Variants in SLC2A7 observed in about 807,000 individuals in gnomAD.
SLC2A7 encodes solute carrier family 2 member 7.
SLC2A7 carries 50 observed loss-of-function variants against 50.5 expected under a neutral mutation model. The observed-to-expected ratio is 0.99, with a 90% CI of 0.79 to 1.25. The LOEUF (loss-of-function observed/expected upper bound fraction) is 1.25. SLC2A7 is among the 50% of genes most tolerant of loss of function. SLC2A7 has a pLI of 0.00. For missense variants in SLC2A7, 683 were observed against 679.1 expected (o/e 1.01, Z -0.06); for synonymous variants, 308 against 300.4 (o/e 1.03, Z -0.26).
chr1:9,000,927 C>T (rs772685175), downstream of SLC2A7, among the ~76,000 whole-genome samples: 1 of 152,034 alleles, frequency 6.6e-6, no homozygotes, highest in African/African-American at 2.4e-5. Flanking sequence ...TCCTGGGCCT[C>T]CGAGTCTTCC....
chr1:9,003,749 T>C (rs998933021), intron 11 of SLC2A7, among the ~76,000 whole-genome samples: 2 of 152,096 alleles, frequency 1.3e-5, no homozygotes, highest in Non-Finnish European at 2.9e-5. Flanking sequence ...TCCCAGCTAC[T>C]TGGGAGTCTG....
chr1:9,007,383 G>C lies in SLC2A7; in HGVS notation c.1119C>G (p.Asn373Lys). The change falls in exon 10 of 12, where the codon AAC becomes AAG. Residue 373 changes from asparagine to lysine, a missense_variant and splice_region_variant. Physicochemically the swap from Asn to Lys is moderately conservative, Grantham distance 94. Coordinates refer to ENST00000400906, the MANE Select transcript of SLC2A7 (RefSeq NM_207420.3). The part of the protein sequence containing the change: ...LVLTVVLLFQ[N>K]RVPELSYLGI... ...CGAGGTAGGACAGCTCGGGGACCCTGTTCTGTGGGGAGAGGCAGGGCTGTC... is the reference window on the plus strand; with the variant it reads ...CGAGGTAGGACAGCTCGGGGACCCTCTTCTGTGGGGAGAGGCAGGGCTGTC... 6.2e-7 allele frequency: 1 copy of C among 1,614,162 alleles called. No homozygotes were observed. The highest frequency in any genetic ancestry group is 1.1e-5 in the South Asian group (1 of 91,082).
At chr1:9,013,330 G>A (rs1640777907) in intron 8 of SLC2A7, among the ~76,000 whole-genome samples, 195 bp downstream of exon 8, 1 of 152,142 alleles carries the variant, frequency 6.6e-6, no homozygotes, top group South Asian at 2.1e-4. Flanking sequence ...GCGCCCGGCC[G>A]GCTCTGAAGG....
intron 8 of SLC2A7, among the ~76,000 whole-genome samples, chr1:9,010,630 T>C (rs1295186176): frequency 6.6e-6 from 1 of 152,108 alleles, no homozygotes; most frequent in Non-Finnish European, 1.5e-5. Context: ...AGTGCTGGGA[T>C]TACAGGCGTG....
At chr1:9,009,622 A>G (rs1370681208) in intron 9 of SLC2A7, among the ~76,000 whole-genome samples, 1 of 152,098 alleles carries the variant, frequency 6.6e-6, no homozygotes, top group Non-Finnish European at 1.5e-5. Flanking sequence ...ACACCCAGAA[A>G]ACGTTTTGTA....
intron 10 of SLC2A7, among the ~76,000 whole-genome samples, chr1:9,006,089 C>T (rs967607629): frequency 1.3e-5 from 2 of 152,196 alleles, no homozygotes; most frequent in Non-Finnish European, 2.9e-5. Flanking sequence ...ACCTGATCAC[C>T]CCGTTCTTGG....
chr1:9,026,341 T>A lies in SLC2A7; in HGVS notation c.5A>T (p.Glu2Val). The A allele has an allele frequency of 6.2e-7, 1 of 1,606,968 alleles. No individual in the cohort carries two copies. Among genetic ancestry groups the A allele is most frequent in the African/African-American group, 1.3e-5 (1 of 74,942 alleles). The change falls in exon 1 of 12, where the codon GAG becomes GTG. Residue 2 changes from glutamate (E) to valine (V), a missense_variant. Transcript: ENST00000400906. ...TGGAGGGGTTCCCGCCTCTTTGTTCTCCATCCTTGTTCAGGTGGGAGAACA... is the reference window on the plus strand; with the variant it reads ...TGGAGGGGTTCCCGCCTCTTTGTTCACCATCCTTGTTCAGGTGGGAGAACA... M[E>V]NKEAGTPPPI... is the part of the protein sequence containing the mutation.
intron 2 of SLC2A7, among the ~76,000 whole-genome samples, chr1:9,024,093 T>G (rs1372979249): frequency 1.3e-5 from 2 of 152,126 alleles, no homozygotes; most frequent in Non-Finnish European, 2.9e-5. Flanking sequence ...TGATTTCAGG[T>G]GATCAGGTGA....
At position 9,014,861 on chromosome 1, in the gene SLC2A7, C is replaced by T. The variant is rs780876954; in HGVS notation, c.723G>A (p.Arg241=). The change falls in exon 7 of 12, where the codon AGG becomes AGA. Residue 241 remains arginine, a synonymous_variant. Coordinates refer to ENST00000400906, the MANE Select transcript of SLC2A7 (RefSeq NM_207420.3). The stretch of plus-strand genomic sequence containing the variant: ...CCATGTCCGTGTGGCCTCTCAGCCT[C>T]CTCAGAGCTGCGGAAAGCAGAACCA... ...GDEATARQAL[R]RLRGHTDMEA... 6.3e-7 allele frequency: 1 copy of T among 1,598,408 alleles called. No individual in the cohort carries two copies. Among genetic ancestry groups the T allele is most frequent in the Non-Finnish European group, 8.5e-7 (1 of 1,172,896 alleles).
At chr1:9,026,039 G>A (rs1640995004) in intron 1 of SLC2A7, among the ~76,000 whole-genome samples, 1 of 152,310 alleles carries the variant, frequency 6.6e-6, no homozygotes, top group South Asian at 2.1e-4. Flanking sequence ...GGGGAGCAGG[G>A]GTGGAAGGGA....
At chr1:9,011,134 G>GC (rs1286975817) in intron 8 of SLC2A7, among the ~76,000 whole-genome samples, 3 of 152,218 alleles carry the variant, frequency 2.0e-5, no homozygotes, top group Non-Finnish European at 1.5e-5. Flanking sequence ...TGCTCGCTCT[G>GC]CCTCACCCAT....
intron 10 of SLC2A7, among the ~76,000 whole-genome samples, chr1:9,006,035 G>C (rs1317026840): frequency 6.6e-6 from 1 of 152,132 alleles, no homozygotes; most frequent in African/African-American, 2.4e-5. Context: ...GGTCTAAGTT[G>C]AATGTCAGAT....
At chr1:8,994,928 G>A in the SLC2A7 span, among the ~76,000 whole-genome samples, 13 of 151,468 alleles carry the variant, frequency 8.6e-5, no homozygotes, top group Non-Finnish European at 1.3e-4. Flanking sequence ...TCAACACCAC[G>A]CCCAGCTATT....
rs770148215 is a variant in SLC2A7, at chr1:9,026,296, C to G, written c.50G>C (p.Gly17Ala). The change falls in exon 1 of 12, where the codon GGG (glycine) becomes GCG (alanine). Residue 17 changes from glycine (G) to alanine (A), a missense_variant and splice_region_variant. By Grantham distance (60) the Gly-to-Ala change is moderately conservative. Transcript: ENST00000400906. ...CAGGTTCCTAGTCTTGGCACTTACC[C>G]CCTCCCTGGATGGAATGGGTGGAGG... ...GTPPPIPSRE[G>A]RLQPTLLLAT... 6.2e-7 allele frequency: 1 copy of G among 1,609,192 alleles called. No homozygotes were observed. Among genetic ancestry groups the G allele is most frequent in the Admixed American group, 1.7e-5 (1 of 59,472 alleles).
In SLC2A7 at chr1:9,024,965, C is replaced by T. The variant is rs1403687601; in HGVS notation, c.150+11G>A. 6.2e-7 allele frequency: 1 copy of T among 1,613,652 alleles called. No individual in the cohort carries two copies. The highest frequency in any genetic ancestry group is 1.1e-5 in the South Asian group (1 of 91,080). On this transcript the variant is annotated intron_variant, in intron 2 of 11. Transcript: ENST00000400906. ...GCTGCCCGGCCCACCTTGTGCCCACCTTGTGCCCACCTTGTGCGGCGTGTT... is the reference window on the plus strand; with the variant it reads ...GCTGCCCGGCCCACCTTGTGCCCACTTTGTGCCCACCTTGTGCGGCGTGTT...
chr1:9,004,697 C>T, intron 11 of SLC2A7, 55 bp downstream of exon 11: 32 of 1,599,932 alleles, frequency 2.0e-5, no homozygotes, highest in Non-Finnish European at 2.7e-5. Flanking sequence ...AAGGGGAATA[C>T]ATCTTACTCC....
intron 11 of SLC2A7, 22 bp from the exon 12 acceptor site, chr1:9,003,540 A>G (rs781167707): frequency 1.9e-5 from 30 of 1,606,146 alleles, no homozygotes; most frequent in Non-Finnish European, 2.2e-5. Context: ...GACGAGAAAG[A>G]CAGGAGGGGG....
At chr1:9,004,217 C>G (rs947980443) in intron 11 of SLC2A7, among the ~76,000 whole-genome samples, 2 of 151,178 alleles carry the variant, frequency 1.3e-5, no homozygotes, top group African/African-American at 4.9e-5. Context: ...CCTGTGGTCC[C>G]AGCGACTTGG....
At position 9,003,307 on chromosome 1, in the gene SLC2A7, GA is replaced by G; in HGVS notation, c.1531del (p.Ser511ProfsTer7). The G allele has an allele frequency of 6.2e-7, 1 of 1,614,164 alleles. No homozygotes were observed. Among genetic ancestry groups the G allele is most frequent in the Non-Finnish European group, 8.5e-7 (1 of 1,180,010 alleles). On this transcript the variant is annotated frameshift_variant, in exon 12 of 12. Coordinates refer to ENST00000400906, the MANE Select transcript of SLC2A7 (RefSeq NM_207420.3). LOFTEE classifies it high-confidence loss of function. ...GTCCTTCATGCAGGGCCACTAAAAG[GA>G]AGTTTCCTTGGCAGGAGAGGCTGTG... ...PPTASPAKET[S>X]F is the part of the protein sequence containing the mutation.
Sources: allele counts gnomAD v4.1 joint callset (sites outside exome capture counted in the v4.1 genomes callset), GRCh38; gene constraint gnomAD v4.1.1; transcripts MANE v1.5; gene names NCBI Gene and HGNC (gene_info 2026-07-23, HGNC 2026-07-21).